GALNTL6: variants seen among roughly 807,000 people sequenced by gnomAD.
GALNTL6 encodes polypeptide N-acetylgalactosaminyltransferase like 6.
A neutral mutation model predicts 73.7 loss-of-function variants in GALNTL6; 46 were observed. The ratio of observed to expected loss-of-function variants is 0.62; its 90% CI spans 0.49 to 0.80. GALNTL6 has a LOEUF of 0.80. Among genes scored for constraint, GALNTL6 ranks in the 30% least tolerant of loss-of-function variants. GALNTL6 has a pLI of 0.00. For missense variants in GALNTL6, 604 were observed against 755.0 expected, an observed-to-expected ratio of 0.80 and a Z score of 2.34; for synonymous variants, 259 against 263.7, an observed-to-expected ratio of 0.98 and a Z score of 0.17.
At chr4:172,451,057 T>A (rs1732190916) in intron 5 of GALNTL6, among the ~76,000 whole-genome samples, 1 of 152,210 alleles carries the variant, frequency 6.6e-6, no homozygotes, top group African/African-American at 2.4e-5. Flanking sequence ...CAGCACACAG[T>A]ATGCATCCTG....
In GALNTL6 at chr4:172,736,293, T is replaced by G. The variant is rs191374125; in HGVS notation, c.554-73068T>G. Among the ~76,000 whole-genome samples, 708 of 152,030 alleles carry G rather than the reference T, an allele frequency of 4.7e-3. 8 individuals are homozygous for G. The highest frequency in any genetic ancestry group is 0.014 in the African/African-American group (569 of 41,350). ...TCCCAGAGCGACTATTTTAGAGACC[T>G]CCCCCTGAGAATACAATATTTTCCC... is the stretch of plus-strand genomic sequence containing the variant. On this transcript the variant is annotated intron_variant, in intron 5 of 12. Transcript: ENST00000506823.
At chr4:172,322,829 A>G (rs1269668196) in intron 4 of GALNTL6, among the ~76,000 whole-genome samples, 3 of 152,230 alleles carry the variant, frequency 2.0e-5, no homozygotes, top group Non-Finnish European at 2.9e-5. Context: ...GTGCCAAATC[A>G]TATCAATGGA....
At chr4:172,157,232 G>A (rs982593058) in intron 2 of GALNTL6, among the ~76,000 whole-genome samples, 4 of 152,172 alleles carry the variant, frequency 2.6e-5, no homozygotes, top group Non-Finnish European at 5.9e-5. Flanking sequence ...TGTAGGTAAT[G>A]TGCCTACAGC....
Position 172,645,641 on chromosome 4 carries a change from A to G in GALNTL6, c.554-163720A>G, listed in dbSNP as rs141052282. Among the ~76,000 whole-genome samples, 142 of 152,014 alleles carry G rather than the reference A, an allele frequency of 9.3e-4. 1 individual carries two copies. Among genetic ancestry groups the G allele is most frequent in the African/African-American group, 3.1e-3 (129 of 41,462 alleles). ...TTAAGCCCTCTATAACAAAATTCAG[A>G]TTAATAGAAAAAAAAGCATACAAAT... is the stretch of plus-strand genomic sequence containing the variant. On this transcript the variant is annotated intron_variant, in intron 5 of 12. Coordinates refer to ENST00000506823, the MANE Select transcript of GALNTL6 (RefSeq NM_001034845.3).
chr4:172,036,572 G>A (rs2110831161), intron 2 of GALNTL6, among the ~76,000 whole-genome samples: 1 of 152,156 alleles, frequency 6.6e-6, no homozygotes, highest in South Asian at 2.1e-4. Flanking sequence ...ACTCTTTTAA[G>A]CACTTTGTAT....
intron 10 of GALNTL6, among the ~76,000 whole-genome samples, chr4:172,986,481 A>G (rs1290043757): frequency 6.6e-6 from 1 of 152,244 alleles, no homozygotes; most frequent in Admixed American, 6.5e-5. Flanking sequence ...CTGAGAACCA[A>G]TCAGACATAG....
chr4:172,517,182 G>T (rs1202793474), intron 5 of GALNTL6, among the ~76,000 whole-genome samples: 1 of 152,084 alleles, frequency 6.6e-6, no homozygotes, highest in African/African-American at 2.4e-5. Context: ...TAAGTTATGT[G>T]TATTTTAACA....
intron 5 of GALNTL6, among the ~76,000 whole-genome samples, chr4:172,783,752 C>T (rs1173160596): frequency 6.6e-6 from 1 of 151,908 alleles, no homozygotes; most frequent in Non-Finnish European, 1.5e-5. Context: ...GTTTGTTTAG[C>T]AGTGATAAGC....
At chr4:172,687,557 G>C (rs529152190) in intron 5 of GALNTL6, among the ~76,000 whole-genome samples, 84 of 151,260 alleles carry the variant, frequency 5.6e-4, no homozygotes, top group African/African-American at 2.0e-3. Flanking sequence ...GAACCCGGGA[G>C]GCAGAGGTTG....
At chr4:172,806,086 A>G (rs1010958466) in intron 5 of GALNTL6, among the ~76,000 whole-genome samples, 1 of 152,184 alleles carries the variant, frequency 6.6e-6, no homozygotes, top group Non-Finnish European at 1.5e-5. Flanking sequence ...AATCCCTTGT[A>G]TGAGAGTTGA....
At chr4:172,140,631 C>T (rs184189486) in intron 2 of GALNTL6, among the ~76,000 whole-genome samples, 156 of 152,088 alleles carry the variant, frequency 1.0e-3, no homozygotes, top group African/African-American at 3.6e-3. Flanking sequence ...AGGACAGGAA[C>T]GCTGTCTCCA....
At chr4:173,002,129 C>G (rs1207031352) in intron 10 of GALNTL6, among the ~76,000 whole-genome samples, 13 of 152,210 alleles carry the variant, frequency 8.5e-5, no homozygotes. Flanking sequence ...CAGTGGCTCA[C>G]GCCTGTAATC....
intron 2 of GALNTL6, among the ~76,000 whole-genome samples, chr4:172,101,302 A>G (rs1732510439): frequency 6.6e-6 from 1 of 152,304 alleles, no homozygotes; most frequent in African/African-American, 2.4e-5. Context: ...CCATAGCTAT[A>G]AAGTAGACTA....
At chr4:171,817,590 G>A (rs1734555035) in intron 2 of GALNTL6, among the ~76,000 whole-genome samples, 1 of 151,432 alleles carries the variant, frequency 6.6e-6, no homozygotes, top group African/African-American at 2.4e-5. Flanking sequence ...CTAATCTACT[G>A]TCTGATTACA....
rs539477552 is a variant in GALNTL6 at position 172,786,909 on chromosome 4, CA to C, written c.554-22451del. ...GCCATGTCAAGTTTCGGTAATTTAT[CA>C]CAAAGTGAACTAGATACAGTTTGAA... On this transcript the variant is annotated intron_variant, in intron 5 of 12. Transcript: ENST00000506823. Among the ~76,000 whole-genome samples, 19 of 152,210 alleles carry C rather than the reference CA, an allele frequency of 1.2e-4. No individual in the cohort carries two copies. The East Asian group carries it at 3.7e-3, about 29-fold the overall frequency.
chr4:172,305,976 T>C (rs1578935567), intron 3 of GALNTL6, among the ~76,000 whole-genome samples: 1 of 152,342 alleles, frequency 6.6e-6, no homozygotes, highest in East Asian at 1.9e-4. Context: ...ATTTTTATTT[T>C]GTAGTCTTAG....
intron 5 of GALNTL6, among the ~76,000 whole-genome samples, chr4:172,535,003 G>C (rs1286505268): frequency 1.3e-5 from 2 of 152,180 alleles, no homozygotes; most frequent in Non-Finnish European, 2.9e-5. Context: ...ATAGTCAGTG[G>C]AGTTCATGGG....
chr4:172,634,256 A>G (rs1196740678), intron 5 of GALNTL6, among the ~76,000 whole-genome samples: 48 of 152,342 alleles, frequency 3.2e-4, no homozygotes, highest in Non-Finnish European at 1.5e-5. Context: ...TTCAAGGCCT[A>G]AAAGCAGAGG....
At position 171,943,420 on chromosome 4, in the gene GALNTL6, A is replaced by T. The variant is rs200655902; in HGVS notation, c.138+128702A>T. 2.0e-5 allele frequency among the ~76,000 whole-genome samples: 3 copies of T among 152,272 alleles called. No homozygotes were observed. The East Asian group carries it at 5.8e-4, about 29-fold the overall frequency. On this transcript the variant is annotated intron_variant, in intron 2 of 12. Coordinates refer to ENST00000506823, the MANE Select transcript of GALNTL6 (RefSeq NM_001034845.3). ...GTTAGAGATGGAATTTTACTTCTTG[A>T]TTGCTGAAATTCTTCTACAATCTTA...
Sources: allele counts gnomAD v4.1 joint callset (sites outside exome capture counted in the v4.1 genomes callset), GRCh38; gene constraint gnomAD v4.1.1; transcripts MANE v1.5; gene names NCBI Gene and HGNC (gene_info 2026-07-23, HGNC 2026-07-21).